TTC12: variants seen among roughly 807,000 people sequenced by gnomAD.
The protein encoded by TTC12 is tetratricopeptide repeat domain 12, also known as tetratricopeptide repeat protein 12.
A neutral mutation model predicts 90.1 loss-of-function variants in TTC12; 70 were observed. The observed-to-expected ratio is 0.78, with a 90% CI of 0.64 to 0.95. TTC12 has a LOEUF of 0.95. TTC12 is among the 40% of genes least tolerant of loss of function. The pLI is 0.00. For synonymous variants in TTC12, 296 were observed against 311.5 expected (o/e 0.95, Z 0.53); for missense variants, 819 against 846.1 (o/e 0.97, Z 0.40).
At chr11:113,333,298 C>G (rs1257087062) in intron 7 of TTC12, among the ~76,000 whole-genome samples, 3 of 152,118 alleles carry the variant, frequency 2.0e-5, no homozygotes, top group Admixed American at 1.3e-4. Context: ...AGGTTCTTGC[C>G]CAGCCCACTC....
In TTC12 at chr11:113,323,894, T is replaced by G. The variant is rs1173715036; in HGVS notation, c.223-100T>G. 2.9e-5 allele frequency: 26 copies of G among 911,650 alleles called. No homozygotes were observed. The African/African-American group carries it at 4.4e-4, about 15-fold the overall frequency. 56.5% of individuals were successfully genotyped at this position (911,650 alleles called of 1,614,324 possible). On this transcript the variant is annotated intron_variant, in intron 3 of 21. Transcript: ENST00000529221. The stretch of plus-strand genomic sequence containing the variant: ...GTTTTGATGGTTAAAAGAAATGACC[T>G]CTTGTTTGTAATTGATTTGCCTTCT...
chr11:113,357,625 C>T (rs185363588), intron 16 of TTC12, among the ~76,000 whole-genome samples: 56 of 152,154 alleles, frequency 3.7e-4, no homozygotes, highest in Admixed American at 2.0e-3. Context: ...TCTTATTTGA[C>T]GACCTTGAGG....
At chr11:113,358,186 A>G (rs1555153165) in intron 16 of TTC12, among the ~76,000 whole-genome samples, 2 of 152,208 alleles carry the variant, frequency 1.3e-5, no homozygotes, top group East Asian at 3.9e-4. Flanking sequence ...AGCTGTGCCC[A>G]TCAAGACTCC....
chr11:113,363,957 T>G (rs719802), intron 20 of TTC12, 30 bp downstream of exon 20: 31 of 1,511,748 alleles, frequency 2.1e-5, no homozygotes, highest in Non-Finnish European at 2.8e-5. Context: ...AGGGAGCCCT[T>G]GTCCCAGAGG....
intron 21 of TTC12, chr11:113,365,541 AAGG>A: frequency 5.0e-6 from 1 of 198,494 alleles, no homozygotes; most frequent in Non-Finnish European, 1.1e-5. Flanking sequence ...AACAGTGGAG[AAGG>A]AGAGACGCAG....
At position 113,352,418 on chromosome 11, in the gene TTC12, A is replaced by AT. The variant is rs533016856; in HGVS notation, c.1446+219dup. 5.6e-4 allele frequency among the ~76,000 whole-genome samples: 85 copies of AT among 151,686 alleles called. 2 individuals carry two copies. The South Asian group carries it at 0.013, about 23-fold the overall frequency. ...CATTTGCCCTGGGGAGATTTGAAGG[A>AT]TTTTTTTTAATTTTTAAAAATTATT... On this transcript the variant is annotated intron_variant, in intron 16 of 21. Transcript: ENST00000529221.
intron 6 of TTC12, chr11:113,329,583 G>A (rs374146666): frequency 2.3e-5 from 11 of 475,950 alleles, no homozygotes; most frequent in African/African-American, 5.9e-5. Context: ...AGTTCTTTTC[G>A]CAGAGCTGTC....
At chr11:113,363,095 C>G (rs946356459) in intron 19 of TTC12, among the ~76,000 whole-genome samples, 1 of 152,222 alleles carries the variant, frequency 6.6e-6, no homozygotes, top group African/African-American at 2.4e-5. Flanking sequence ...GAGGTCCATA[C>G]ACCCATGTTA....
At chr11:113,329,405 C>T (rs540391308) in intron 6 of TTC12, among the ~76,000 whole-genome samples, 13 of 152,318 alleles carry the variant, frequency 8.5e-5, no homozygotes, top group Non-Finnish European at 2.9e-5. Flanking sequence ...TCCTTCCCTG[C>T]TTTGTGCCCT....
intron 8 of TTC12, among the ~76,000 whole-genome samples, chr11:113,338,316 T>G (rs955386911): frequency 6.6e-6 from 1 of 152,194 alleles, no homozygotes; most frequent in Non-Finnish European, 1.5e-5. Flanking sequence ...ACCGGTTCTC[T>G]TCGCAGCTTG....
intron 17 of TTC12, among the ~76,000 whole-genome samples, chr11:113,359,687 G>A (rs782056712): frequency 6.6e-5 from 10 of 152,158 alleles, no homozygotes. Flanking sequence ...GGTATCCAAG[G>A]TGTGCTGAGC....
At chr11:113,360,329 G>A (rs935834250) in intron 18 of TTC12, among the ~76,000 whole-genome samples, 7 of 151,566 alleles carry the variant, frequency 4.6e-5, no homozygotes, top group East Asian at 1.9e-4. Flanking sequence ...TAATCGATCC[G>A]ATCTGTCCTA....
At chr11:113,339,561 C>T in intron 10 of TTC12, 87 bp downstream of exon 10, 1 of 1,207,398 alleles carries the variant, frequency 8.3e-7, no homozygotes. Context: ...CCAAGAATCC[C>T]TCCCTTCCTT....
At chr11:113,347,781 A>G (rs529494469) in intron 13 of TTC12, among the ~76,000 whole-genome samples, 1 of 152,230 alleles carries the variant, frequency 6.6e-6, no homozygotes, top group East Asian at 1.9e-4. Flanking sequence ...AGCACCATAG[A>G]TGTGGGTGAC....
Position 113,325,619 on chromosome 11 carries a change from A to G in TTC12, c.418A>G (p.Lys140Glu), listed in dbSNP as rs1555140801. The G allele has an allele frequency of 1.2e-6, 2 of 1,614,014 alleles. No individual in the cohort carries two copies. Among genetic ancestry groups the G allele is most frequent in the South Asian group, 1.1e-5 (1 of 91,082 alleles). Residue 140 changes from lysine (K) to glutamate (E), a missense_variant, in exon 6 of 22, where the codon AAA becomes GAA. By Grantham distance (56) the Lys-to-Glu change is moderately conservative (BLOSUM62 1). Coordinates refer to ENST00000529221, the MANE Select transcript of TTC12 (RefSeq NM_017868.4). ...GGGTTTGGAGAAGCTGAAGGACATG[A>G]AAGTGCTGTACACCAACCGAGCCCA... ...SEGLEKLKDM[K>E]VLYTNRAQAY...
intron 15 of TTC12, 124 bp from the exon 16 acceptor site, chr11:113,351,946 C>T (rs1591601403): frequency 1.8e-6 from 2 of 1,141,732 alleles, no homozygotes; most frequent in Admixed American, 2.8e-5. Context: ...AGGGATGCCC[C>T]TGTGTGACAT....
chr11:113,346,475 A>G (rs1001625528), intron 13 of TTC12, among the ~76,000 whole-genome samples: 7 of 152,284 alleles, frequency 4.6e-5, no homozygotes, highest in African/African-American at 1.4e-4. Context: ...TCGAGGTCCA[A>G]GTCTCTGCCC....
At chr11:113,368,111 A>C, downstream of TTC12, 1 of 1,205,638 alleles carries the variant, frequency 8.3e-7, no homozygotes, top group Non-Finnish European at 1.1e-6. Context: ...GGCTCTTGAA[A>C]ATGGCTATGA....
At chr11:113,322,962 T>A (rs187712379) in intron 2 of TTC12, among the ~76,000 whole-genome samples, 9 of 152,300 alleles carry the variant, frequency 5.9e-5, no homozygotes, top group Admixed American at 5.9e-4. Context: ...GATCTTTTTT[T>A]ATTCATCATT....
Sources: allele counts gnomAD v4.1 joint callset (sites outside exome capture counted in the v4.1 genomes callset), GRCh38; gene constraint gnomAD v4.1.1; transcripts MANE v1.5; gene names NCBI Gene and HGNC (gene_info 2026-07-23, HGNC 2026-07-21).